The following C8orf34 variants were observed in gnomAD, a reference collection of about 807,000 sequenced individuals.
The protein encoded by C8orf34 is uncharacterized protein C8orf34.
A neutral mutation model predicts 68.3 loss-of-function variants in C8orf34; 65 were observed. That is an observed-to-expected ratio of 0.95 (90% CI 0.78 to 1.17). The LOEUF (loss-of-function observed/expected upper bound fraction) is 1.17, where lower values mean the gene tolerates loss of function less well. C8orf34 is among the 50% of genes most tolerant of loss of function. C8orf34 has a pLI of 0.00. For missense variants in C8orf34, 664 were observed against 655.4 expected, an observed-to-expected ratio of 1.01 and a Z score of -0.14; for synonymous variants, 244 against 241.2, an observed-to-expected ratio of 1.01 and a Z score of -0.11.
chr8:68,799,731 TA>T (rs1824275510), intron 12 of C8orf34, among the ~76,000 whole-genome samples: 1 of 152,162 alleles, frequency 6.6e-6, no homozygotes, highest in African/African-American at 2.4e-5. Flanking sequence ...GAGAAGTCCA[TA>T]AGCATCTGAA....
rs1807820764 is a variant in C8orf34 at position 68,376,751 on chromosome 8, G to A, written c.327+45412G>A. Among the ~76,000 whole-genome samples the A allele has an allele frequency of 2.0e-5, 3 of 152,010 alleles. No homozygotes were observed. In the South Asian group the frequency reaches 6.2e-4, roughly 31 times the overall value. On this transcript the variant is annotated intron_variant, in intron 1 of 13. Coordinates refer to ENST00000518698, the MANE Select transcript of C8orf34 (RefSeq NM_052958.4). ...GCCTTTTGAAGGAAACCCATACTGA[G>A]TTCTTCGTTACTTCTTGTATCCACT...
chr8:68,366,647 A>C (rs1365156923), intron 1 of C8orf34, among the ~76,000 whole-genome samples: 3 of 150,808 alleles, frequency 2.0e-5, no homozygotes, highest in African/African-American at 7.3e-5. Flanking sequence ...AGAAATGGGG[A>C]AAGGATTCCC....
At chr8:68,803,846 G>A (rs1486103393) in intron 12 of C8orf34, among the ~76,000 whole-genome samples, 2 of 151,878 alleles carry the variant, frequency 1.3e-5, no homozygotes, top group African/African-American at 4.8e-5. Context: ...ACTTTTTGTA[G>A]TACTTTTTTG....
chr8:68,756,033 C>G (rs1822849236), intron 10 of C8orf34, among the ~76,000 whole-genome samples: 2 of 151,598 alleles, frequency 1.3e-5, no homozygotes, highest in Non-Finnish European at 1.5e-5. Flanking sequence ...CGCCACTGCA[C>G]TCCAGCCTGG....
chr8:68,374,976 A>G (rs185550886), intron 1 of C8orf34, among the ~76,000 whole-genome samples: 56 of 152,326 alleles, frequency 3.7e-4, no homozygotes, highest in Admixed American at 1.6e-3. Flanking sequence ...ACTGCAAAAT[A>G]AGATGGCAAT....
chr8:68,411,629 T>C (rs923711872), intron 1 of C8orf34, among the ~76,000 whole-genome samples: 1 of 152,188 alleles, frequency 6.6e-6, no homozygotes, highest in Non-Finnish European at 1.5e-5. Context: ...CAAAACCTTA[T>C]GTAAAGTGTA....
chr8:68,361,739 A>G (rs1807009518), intron 1 of C8orf34, among the ~76,000 whole-genome samples: 1 of 152,190 alleles, frequency 6.6e-6, no homozygotes, highest in Non-Finnish European at 1.5e-5. Flanking sequence ...CCAAATATTT[A>G]ATTTATAGTA....
chr8:68,722,739 C>A (rs867016309), intron 10 of C8orf34, among the ~76,000 whole-genome samples: 1 of 151,944 alleles, frequency 6.6e-6, no homozygotes, highest in African/African-American at 2.4e-5. Context: ...TTCACTTCCA[C>A]ATCTCTAGAG....
chr8:68,414,560 T>C (rs1448328229), intron 1 of C8orf34, among the ~76,000 whole-genome samples: 2 of 152,040 alleles, frequency 1.3e-5, no homozygotes, highest in African/African-American at 2.4e-5. Flanking sequence ...GTTTATCAAA[T>C]GTGCCAGGAA....
chr8:68,760,149 C>T (rs1055965354), intron 10 of C8orf34, among the ~76,000 whole-genome samples: 23 of 152,132 alleles, frequency 1.5e-4, no homozygotes, highest in Admixed American at 6.5e-5. Flanking sequence ...GTCATTACAA[C>T]ACAGGCGGAG....
At chr8:68,519,122 A>G (rs1435965197) in intron 5 of C8orf34, among the ~76,000 whole-genome samples, 2 of 152,182 alleles carry the variant, frequency 1.3e-5, no homozygotes, top group Non-Finnish European at 2.9e-5. Flanking sequence ...TTCCCATTTA[A>G]TAGAAGTGAC....
chr8:68,530,396 G>A (rs867217858), intron 6 of C8orf34, among the ~76,000 whole-genome samples: 16 of 152,078 alleles, frequency 1.1e-4, no homozygotes, highest in Admixed American at 3.3e-4. Context: ...AGCGAATGGG[G>A]CTAAAATAAT....
At chr8:68,589,805 AAGGAGGGAGG>A (rs1345912441) in intron 7 of C8orf34, among the ~76,000 whole-genome samples, 5 of 145,932 alleles carry the variant, frequency 3.4e-5, no homozygotes, top group African/African-American at 1.3e-4. Context: ...GGGAATCAGG[AAGGAGGGAGG>A]GAAGGGGAAG....
intron 1 of C8orf34, among the ~76,000 whole-genome samples, chr8:68,420,066 C>T (rs1244194656): frequency 1.3e-5 from 2 of 149,474 alleles, no homozygotes; most frequent in East Asian, 2.0e-4. Context: ...TGAAGGATGA[C>T]TGGCCTGAGA....
chr8:68,566,242 A>C (rs1376499280), intron 7 of C8orf34, among the ~76,000 whole-genome samples: 1 of 152,156 alleles, frequency 6.6e-6, no homozygotes, highest in Non-Finnish European at 1.5e-5. Context: ...CTTGTTGTAC[A>C]GATTATTTCA....
At chr8:68,336,836 T>C (rs1456094190) in intron 1 of C8orf34, among the ~76,000 whole-genome samples, 2 of 152,108 alleles carry the variant, frequency 1.3e-5, no homozygotes, top group East Asian at 3.9e-4. Flanking sequence ...GCTCAAAGAA[T>C]AGTAGGTATG....
At chr8:68,773,803 G>A (rs950698376) in intron 10 of C8orf34, among the ~76,000 whole-genome samples, 1 of 152,114 alleles carries the variant, frequency 6.6e-6, no homozygotes, top group African/African-American at 2.4e-5. Context: ...ATGGTATTGT[G>A]TAGGTTTCTC....
chr8:68,330,999 G>A lies in C8orf34; in HGVS notation c.-14G>A. 1.4e-6 allele frequency: 2 copies of A among 1,393,346 alleles called. No homozygotes were observed. The highest frequency in any genetic ancestry group is 3.6e-5 in the Admixed American group (1 of 27,494). 86.3% of individuals were successfully genotyped at this position (1,393,346 alleles called of 1,614,324 possible). ...AGAGCGGCGAGGGTGGGCGCGAGGC[G>A]GAGAACGCGATGAATGAGTTCTCCC... On this transcript the variant is annotated 5_prime_UTR_variant, in exon 1 of 14. Coordinates refer to ENST00000518698, the MANE Select transcript of C8orf34 (RefSeq NM_052958.4).
intron 1 of C8orf34, among the ~76,000 whole-genome samples, chr8:68,424,841 A>T (rs1810140442): frequency 6.6e-6 from 1 of 152,136 alleles, no homozygotes; most frequent in Non-Finnish European, 1.5e-5. Context: ...CGGAGCTTGC[A>T]GTGAGCTGAG....
Sources: allele counts gnomAD v4.1 joint callset (sites outside exome capture counted in the v4.1 genomes callset), GRCh38; gene constraint gnomAD v4.1.1; transcripts MANE v1.5; gene names NCBI Gene and HGNC (gene_info 2026-07-23, HGNC 2026-07-21).